Variants in ABCB8 observed in about 807,000 individuals in gnomAD.
ABCB8 encodes ATP binding cassette subfamily B member 8, also known as mitochondrial potassium channel ATP-binding subunit.
In ABCB8, 52 loss-of-function variants were observed where a neutral mutation model predicts 73.0. That is an observed-to-expected ratio of 0.71 (90% CI 0.57 to 0.90). The LOEUF (loss-of-function observed/expected upper bound fraction) is 0.90. Ranked by LOEUF, ABCB8 falls within the 40% of genes least tolerant of loss-of-function variation. The pLI is 0.00. For synonymous variants in ABCB8, 428 were observed against 423.5 expected (o/e 1.01, Z -0.13); for missense variants, 909 against 974.6 (o/e 0.93, Z 0.90).
intron 15 of ABCB8, among the ~76,000 whole-genome samples, chr7:151,044,853 A>T (rs1160224767): frequency 6.6e-6 from 1 of 152,220 alleles, no homozygotes; most frequent in East Asian, 1.9e-4. Context: ...CTGTGCAGGG[A>T]GTCAGGAGTA....
In ABCB8 at chr7:151,033,457, T is replaced by C. The variant is rs529840110; in HGVS notation, c.96-148T>C. 1.3e-5 allele frequency: 18 copies of C among 1,419,110 alleles called. 1 individual carries two copies. In the Middle Eastern group the frequency reaches 1.1e-3, roughly 90 times the overall value. 87.9% of individuals were successfully genotyped at this position (1,419,110 alleles called of 1,614,324 possible). A position where few individuals can be genotyped will look rare whatever the true frequency, so the allele number is the denominator to read the frequency against. ...ACATGTCTTAGAAACTGAAGTTGCT[T>C]CAGAACAGCCCTGAGAAGGGCAGGG... On this transcript the variant is annotated intron_variant, in intron 1 of 15. Transcript: ENST00000358849.
Position 151,036,724 on chromosome 7 carries a change from G to A in ABCB8, c.1217+75G>A, listed in dbSNP as rs1347879713. ...AGCCCTGCTGGGTTAGGGGACACGG[G>A]TGCCAGCCTTCTCTGGGGGCCGACT... On this transcript the variant is annotated intron_variant, in intron 9 of 15. Transcript: ENST00000358849. 3 of 1,296,318 alleles carry A rather than the reference G, an allele frequency of 2.3e-6. No homozygotes were observed. In the Admixed American group the frequency reaches 5.6e-5, roughly 24 times the overall value. 80.3% of individuals were successfully genotyped at this position (1,296,318 alleles called of 1,614,324 possible).
In ABCB8 at chr7:151,035,965, G is replaced by A; in HGVS notation, c.1011G>A (p.Glu337=). Residue 337 remains glutamate, a splice_region_variant and synonymous_variant, in exon 7 of 16, where the codon GAG becomes GAA. Transcript: ENST00000358849. The part of the protein sequence containing the change: ...VRAFAMEQRE[E]ERYGAELEAC... ...CCTTCGCCATGGAGCAACGGGAAGAGGAGTGAGTCCTGGGAGGGCGGAGCA... is the reference window on the plus strand; with the variant it reads ...CCTTCGCCATGGAGCAACGGGAAGAAGAGTGAGTCCTGGGAGGGCGGAGCA... The A allele has an allele frequency of 2.5e-6, 4 of 1,613,860 alleles. No homozygotes were observed. Among genetic ancestry groups the A allele is most frequent in the Admixed American group, 1.7e-5 (1 of 60,032 alleles).
At position 151,041,237 on chromosome 7, in the gene ABCB8, G is replaced by C; in HGVS notation, c.1617+5G>C. The C allele has an allele frequency of 6.3e-7, 1 of 1,595,802 alleles. No homozygotes were observed. The highest frequency in any genetic ancestry group is 8.5e-7 in the Non-Finnish European group (1 of 1,176,188). ...GTTGTCGGCTTCATCAGCCAGGTGCGGGGCCACATGGGCAGCCCTTGGCTC... is the reference window on the plus strand; with the variant it reads ...GTTGTCGGCTTCATCAGCCAGGTGCCGGGCCACATGGGCAGCCCTTGGCTC... On this transcript the variant is annotated splice_donor_5th_base_variant and intron_variant, in intron 13 of 15. Coordinates refer to ENST00000358849, the MANE Select transcript of ABCB8 (RefSeq NM_007188.5).
chr7:151,032,454 G>C (rs1796189355), intron 1 of ABCB8, among the ~76,000 whole-genome samples: 1 of 152,206 alleles, frequency 6.6e-6, no homozygotes. Flanking sequence ...CCAGCACTTT[G>C]GGAGGCTGAG....
At chr7:151,043,162 G>A (rs1796513573) in intron 14 of ABCB8, among the ~76,000 whole-genome samples, 1 of 152,248 alleles carries the variant, frequency 6.6e-6, no homozygotes, top group Non-Finnish European at 1.5e-5. Context: ...GACCCGGGAG[G>A]CTGGGAAGGT....
intron 15 of ABCB8, among the ~76,000 whole-genome samples, chr7:151,044,596 T>C (rs186756887): frequency 6.6e-6 from 1 of 151,930 alleles, no homozygotes; most frequent in Admixed American, 6.6e-5. Context: ...AAAAAAAAAT[T>C]AGCCGGATGT....
At chr7:151,028,985 A>G (rs1796061300) in intron 1 of ABCB8, 1 of 1,230,730 alleles carries the variant, frequency 8.1e-7, no homozygotes, top group Non-Finnish European at 1.0e-6. Context: ...TCCAGGATTC[A>G]AAGTGAGTCG....
rs1796316994 is a variant in ABCB8 at position 151,036,614 on chromosome 7, C to T, written c.1182C>T (p.Leu394=). The part of the protein sequence containing the change: ...VAGQQLTGGD[L]MSFLVASQTV... ...GACAGCAGCTGACAGGGGGAGACCTCATGTCCTTCCTGGTGGCCTCCCAGA... is the reference window on the plus strand; with the variant it reads ...GACAGCAGCTGACAGGGGGAGACCTTATGTCCTTCCTGGTGGCCTCCCAGA... Residue 394 remains leucine (L), a synonymous_variant, in exon 9 of 16, where the codon CTC becomes CTT. Coordinates refer to ENST00000358849, the MANE Select transcript of ABCB8 (RefSeq NM_007188.5). 1 of 1,612,940 alleles carries T rather than the reference C, an allele frequency of 6.2e-7. No individual in the cohort carries two copies. The highest frequency in any genetic ancestry group is 8.5e-7 in the Non-Finnish European group (1 of 1,179,440).
intron 9 of ABCB8, chr7:151,037,382 T>C (rs1176756655): frequency 1.4e-6 from 1 of 700,508 alleles, no homozygotes. Context: ...CTGACCCCTG[T>C]CCCCACACAC....
chr7:151,040,673 G>T, intron 11 of ABCB8, 39 bp downstream of exon 11: 1 of 1,603,488 alleles, frequency 6.2e-7, no homozygotes, highest in Non-Finnish European at 8.5e-7. Context: ...GGGTCCCTGG[G>T]CCGGGGATGA....
At chr7:151,033,518 G>A in intron 1 of ABCB8, 87 bp from the exon 2 acceptor site, 1 of 1,499,464 alleles carries the variant, frequency 6.7e-7, no homozygotes, top group Non-Finnish European at 8.9e-7. Context: ...GCTCCTTCCA[G>A]AGGGCTCAGC....
Position 151,036,568 on chromosome 7 carries a change from T to TTC in ABCB8, c.1137_1138insCT (p.Gly380LeufsTer11), listed in dbSNP as rs1796315449. ...GGCATGGTCTTGGGTACCCTATTTA[T>TTC]TGGGGGCTCCCTTGTGGCCGGACAG... On this transcript the variant is annotated frameshift_variant, in exon 9 of 16. Transcript: ENST00000358849. LOFTEE classifies it high-confidence loss of function. 2 of 1,614,104 alleles carry TTC rather than the reference T, an allele frequency of 1.2e-6. 1 individual carries two copies. The highest frequency in any genetic ancestry group is 4.5e-5 in the East Asian group (2 of 44,884).
chr7:151,040,277 C>G lies in ABCB8; in HGVS notation c.1227C>G (p.Ala409=). The G allele has an allele frequency of 1.2e-6, 2 of 1,613,176 alleles. No homozygotes were observed. Among genetic ancestry groups the G allele is most frequent in the Non-Finnish European group, 8.5e-7 (1 of 1,179,584 alleles). The change falls in exon 10 of 16, where the codon GCC becomes GCG. Residue 409 remains alanine (A), a synonymous_variant. Transcript: ENST00000358849. ...CTCCTTTTTCTGACAGGTCCATGGC[C>G]AACCTCTCTGTCCTGTTTGGGCAGG... ...VASQTVQRSM[A]NLSVLFGQVV...
At chr7:151,044,966 G>A (rs1325069097) in intron 15 of ABCB8, among the ~76,000 whole-genome samples, 2 of 152,224 alleles carry the variant, frequency 1.3e-5, no homozygotes, top group Non-Finnish European at 1.5e-5. Context: ...CTTGGGCTCT[G>A]TAAGGGGGAC....
chr7:151,029,463 G>A (rs902125585), intron 1 of ABCB8: 1 of 152,546 alleles, frequency 6.6e-6, no homozygotes, highest in African/African-American at 2.4e-5. Context: ...TTATGAGAAG[G>A]GACTGATTCC....
rs191642921 is a variant in ABCB8, at chr7:151,039,544, C to G, written c.1218-724C>G. 788 of 152,756 alleles carry G rather than the reference C, an allele frequency of 5.2e-3. 11 individuals carry two copies. Among genetic ancestry groups the G allele is most frequent in the African/African-American group, 0.018 (734 of 41,606 alleles). 9.5% of individuals were successfully genotyped at this position (152,756 alleles called of 1,614,324 possible). ...CTCAGCCTCCTGGCAGCCGGCCAGC[C>G]CTACCCCGGCCCTGCCGGGACGAAG... On this transcript the variant is annotated intron_variant, in intron 9 of 15. Transcript: ENST00000358849.
intron 14 of ABCB8, among the ~76,000 whole-genome samples, 186 bp from the exon 15 acceptor site, chr7:151,043,785 T>TG (rs1486106196): frequency 1.6e-4 from 2 of 12,812 alleles, no homozygotes; most frequent in African/African-American, 3.5e-4. Context: ...CGGTGTGGGG[T>TG]GGGGGGTCAG....
At chr7:151,042,665 G>A (rs919667870) in intron 14 of ABCB8, among the ~76,000 whole-genome samples, 3 of 152,216 alleles carry the variant, frequency 2.0e-5, no homozygotes, top group African/African-American at 4.8e-5. Context: ...GCAGCTTGAC[G>A]TGCGGAGCTC....
Sources: allele counts gnomAD v4.1 joint callset (sites outside exome capture counted in the v4.1 genomes callset), GRCh38; gene constraint gnomAD v4.1.1; transcripts MANE v1.5; gene names NCBI Gene and HGNC (gene_info 2026-07-23, HGNC 2026-07-21).